The following ATP8A2 variants were observed in gnomAD, a reference collection of about 807,000 sequenced individuals.
ATP8A2 encodes the protein phospholipid-transporting ATPase IB.
A neutral mutation model predicts 165.6 loss-of-function variants in ATP8A2; 100 were observed. The observed-to-expected ratio is 0.60, with a 90% CI of 0.51 to 0.71. The LOEUF (loss-of-function observed/expected upper bound fraction) is 0.71. Ranked by LOEUF, ATP8A2 falls within the 30% of genes least tolerant of loss-of-function variation. The pLI, the probability that ATP8A2 is intolerant of heterozygous loss-of-function variation, is 0.00. For synonymous variants in ATP8A2, 543 were observed against 548.8 expected (o/e 0.99, Z 0.15); for missense variants, 1,227 against 1,479.5 (o/e 0.83, Z 2.80).
chr13:25,373,842 CAT>C (rs767427012), intron 1 of ATP8A2, among the ~76,000 whole-genome samples: 35 of 152,244 alleles, frequency 2.3e-4, no homozygotes, highest in Non-Finnish European at 4.3e-4. Context: ...CAAGGCCAGA[CAT>C]AGAGATTCAA....
rs150113370 is a variant in ATP8A2, at chr13:25,428,648, T to C, written c.77-40329T>C. On this transcript the variant is annotated intron_variant, in intron 1 of 36. Transcript: ENST00000381655. ...TTTTAAGTGTGAGGAGGTGGCAAGG[T>C]GTGTGTTTGTTGGGGCAATGCTCGC... Among the ~76,000 whole-genome samples, 503 of 152,214 alleles carry C rather than the reference T, an allele frequency of 3.3e-3. 2 individuals carry two copies. The highest frequency in any genetic ancestry group is 0.012 in the African/African-American group (480 of 41,526).
At chr13:25,781,268 CA>C (rs34609287) in intron 27 of ATP8A2, among the ~76,000 whole-genome samples, 8 of 144,532 alleles carry the variant, frequency 5.5e-5, no homozygotes, top group East Asian at 4.0e-4. Context: ...GACTGCGTCT[CA>C]AAAAAAAAAG....
Position 25,641,008 on chromosome 13 carries a change from T to G in ATP8A2, c.2211+51309T>G, listed in dbSNP as rs139588293. ...AACAGAACCAAAGACAAAAACCACA[T>G]GATGATCTCAATAGATGCAGAAAAA... On this transcript the variant is annotated intron_variant, in intron 24 of 36. Transcript: ENST00000381655. 1.3e-3 allele frequency among the ~76,000 whole-genome samples: 191 copies of G among 152,270 alleles called. 2 individuals are homozygous for G. In the East Asian group the frequency reaches 0.022, roughly 18 times the overall value.
At chr13:25,877,145 A>G (rs1435051629) in intron 33 of ATP8A2, among the ~76,000 whole-genome samples, 1 of 152,224 alleles carries the variant, frequency 6.6e-6, no homozygotes, top group African/African-American at 2.4e-5. Flanking sequence ...ATTTGATTCA[A>G]GCTTTTATGT....
At chr13:25,386,423 A>G (rs2033046771) in intron 1 of ATP8A2, among the ~76,000 whole-genome samples, 1 of 152,186 alleles carries the variant, frequency 6.6e-6, no homozygotes, top group Non-Finnish European at 1.5e-5. Context: ...AGGCAGGCTG[A>G]GGTGGCACCC....
At chr13:25,425,805 T>C (rs2034433863) in intron 1 of ATP8A2, among the ~76,000 whole-genome samples, 1 of 152,214 alleles carries the variant, frequency 6.6e-6, no homozygotes, top group Non-Finnish European at 1.5e-5. Context: ...CTCGATCTCC[T>C]GACCTTGTGA....
At chr13:25,413,692 G>A (rs559746771) in intron 1 of ATP8A2, among the ~76,000 whole-genome samples, 5 of 151,986 alleles carry the variant, frequency 3.3e-5, no homozygotes, top group Non-Finnish European at 7.4e-5. Flanking sequence ...CTTTTTAATG[G>A]GAATCTAGAG....
Position 25,920,185 on chromosome 13 carries a change from T to G in ATP8A2, c.3184-41390T>G, listed in dbSNP as rs527981756. On this transcript the variant is annotated intron_variant, in intron 33 of 36. Coordinates refer to ENST00000381655, the MANE Select transcript of ATP8A2 (RefSeq NM_016529.6). ...CCCAACTCCTTCTCGGCCTTTTCCC[T>G]CTTCTGTAACTTACAGGTTTGGGTT... Among the ~76,000 whole-genome samples the G allele has an allele frequency of 2.4e-4, 37 of 152,286 alleles. No homozygotes were observed. In the South Asian group the frequency reaches 7.5e-3, roughly 31 times the overall value.
intron 10 of ATP8A2, among the ~76,000 whole-genome samples, chr13:25,550,286 G>A (rs1023544173): frequency 9.2e-5 from 14 of 152,086 alleles, no homozygotes; most frequent in Non-Finnish European, 2.9e-5. Context: ...GCCTGGGTGA[G>A]AGAGTGAGAC....
intron 1 of ATP8A2, among the ~76,000 whole-genome samples, chr13:25,409,685 A>C (rs1415115811): frequency 1.3e-5 from 2 of 152,176 alleles, no homozygotes; most frequent in Non-Finnish European, 1.5e-5. Context: ...GCAGGCTTGC[A>C]ATCAGGAAGG....
chr13:25,657,890 G>C (rs1481705064), intron 24 of ATP8A2, among the ~76,000 whole-genome samples: 1 of 152,196 alleles, frequency 6.6e-6, no homozygotes, highest in African/African-American at 2.4e-5. Flanking sequence ...TTGTCATTCT[G>C]CAAAATATTT....
chr13:25,596,737 T>G (rs1186756892), intron 24 of ATP8A2, among the ~76,000 whole-genome samples: 2 of 152,232 alleles, frequency 1.3e-5, no homozygotes, highest in Non-Finnish European at 2.9e-5. Context: ...TTTTGTTCTG[T>G]GCAAGTTTTG....
At chr13:25,859,554 C>G (rs1952280196) in intron 30 of ATP8A2, among the ~76,000 whole-genome samples, 1 of 146,516 alleles carries the variant, frequency 6.8e-6, no homozygotes, top group Non-Finnish European at 1.5e-5. Flanking sequence ...TCATAGCCAT[C>G]CTTGAAAAGA....
At chr13:25,667,347 C>T (rs973436661) in intron 24 of ATP8A2, among the ~76,000 whole-genome samples, 6 of 152,032 alleles carry the variant, frequency 3.9e-5, no homozygotes, top group Admixed American at 6.6e-5. Context: ...GTTTGGGTTA[C>T]GGGAGTGGAT....
chr13:25,531,932 C>T (rs1049189611), intron 4 of ATP8A2, among the ~76,000 whole-genome samples: 1 of 152,216 alleles, frequency 6.6e-6, no homozygotes, highest in African/African-American at 2.4e-5. Flanking sequence ...AACCTGTACA[C>T]ATCGAAGCAA....
intron 34 of ATP8A2, among the ~76,000 whole-genome samples, chr13:25,968,083 C>G (rs1053314433): frequency 6.6e-6 from 1 of 152,154 alleles, no homozygotes; most frequent in African/African-American, 2.4e-5. Context: ...TCCTAAGCCC[C>G]GTGGCTGCTG....
chr13:25,503,321 A>C lies in ATP8A2; in HGVS notation c.222-26678A>C, dbSNP rs540031569. The stretch of plus-strand genomic sequence containing the variant: ...ACATACGCAAACAGAGTAGCCTATT[A>C]GAGAGCCGAATGAAAAGGGAAGTAA... On this transcript the variant is annotated intron_variant, in intron 2 of 36. Coordinates refer to ENST00000381655, the MANE Select transcript of ATP8A2 (RefSeq NM_016529.6). Among the ~76,000 whole-genome samples, 6 of 152,246 alleles carry C rather than the reference A, an allele frequency of 3.9e-5. No homozygotes were observed. In the South Asian group the frequency reaches 8.3e-4, roughly 21 times the overall value.
intron 33 of ATP8A2, among the ~76,000 whole-genome samples, chr13:25,873,993 C>T (rs9507594): frequency 0.12 from 18,474 of 152,174 alleles, 1,479 homozygotes; most frequent in Non-Finnish European, 0.18. Flanking sequence ...AGTTAGTTTG[C>T]GCAGCATCAT....
Position 25,593,157 on chromosome 13 carries a change from G to T in ATP8A2, c.2211+3458G>T, listed in dbSNP as rs1007113156. 5.3e-5 allele frequency among the ~76,000 whole-genome samples: 8 copies of T among 152,286 alleles called. 1 individual carries two copies. The South Asian group carries it at 6.2e-4, about 12-fold the overall frequency. ...AAAAGCAGCGTCCTAGCGCAATAAA[G>T]TAGATATACAGTAGAGCTTTGGTGG... On this transcript the variant is annotated intron_variant, in intron 24 of 36. Transcript: ENST00000381655.
Sources: gnomAD v4.1 joint callset for allele counts (sites outside exome capture counted in the v4.1 genomes callset) on GRCh38, gnomAD v4.1.1 for gene constraint, MANE v1.5 for transcripts, NCBI Gene and HGNC (gene_info 2026-07-23, HGNC 2026-07-21) for gene names.